SHROOM4: variants seen among roughly 807,000 people sequenced by gnomAD.
SHROOM4 encodes the protein protein Shroom4.
Under a neutral mutation model 80.3 loss-of-function variants are expected in SHROOM4, and 17 were observed. The observed-to-expected ratio is 0.21, with a 90% confidence interval of 0.14 to 0.32. The LOEUF (loss-of-function observed/expected upper bound fraction) is 0.32, where lower values mean the gene tolerates loss of function less well. Ranked by LOEUF, SHROOM4 falls within the 10% of genes least tolerant of loss-of-function variation. The probability of loss-of-function intolerance (pLI) is 1.00; values close to 1 mark genes in which losing one functional copy is unlikely to be tolerated. For missense variants in SHROOM4, 993 were observed against 1,140.3 expected, an observed-to-expected ratio of 0.87 and a Z score of 1.86; for synonymous variants, 400 against 437.5, an observed-to-expected ratio of 0.91 and a Z score of 1.07.
intron 1 of SHROOM4, among the ~76,000 whole-genome samples, chrX:50,809,553 CA>C (rs1223676346): frequency 1.8e-5 from 2 of 112,421 alleles, no homozygotes; most frequent in East Asian, 5.6e-4. Flanking sequence ...CCCCACTCTG[CA>C]AATAGAGACT....
rs1929784555 is a variant in SHROOM4, at chrX:50,608,188, C to T, written c.2958-4G>A. ...AGTCTTGGAATGAGCCATTTCCCTGCAAAACATCAGATGAGTACTGAGAAA... is the reference window on the plus strand; with the variant it reads ...AGTCTTGGAATGAGCCATTTCCCTGTAAAACATCAGATGAGTACTGAGAAA... On this transcript the variant is annotated splice_polypyrimidine_tract_variant and splice_region_variant and intron_variant, in intron 5 of 8. Coordinates refer to ENST00000376020, the MANE Select transcript of SHROOM4 (RefSeq NM_020717.5). 1 of 1,210,763 alleles carries T rather than the reference C, an allele frequency of 8.3e-7. No individual in the cohort carries two copies. Among genetic ancestry groups the T allele is most frequent in the Non-Finnish European group, 1.1e-6 (1 of 894,952 alleles).
At chrX:50,635,760 C>G in intron 3 of SHROOM4, 92 bp from the exon 4 acceptor site, 1 of 665,687 alleles carries the variant, frequency 1.5e-6, no homozygotes, top group Middle Eastern at 5.1e-4. Flanking sequence ...ACCCATGCCA[C>G]AAAAGAGAGG....
chrX:50,744,994 T>C (rs1371204694), intron 1 of SHROOM4, among the ~76,000 whole-genome samples: 1 of 111,963 alleles, frequency 8.9e-6, no homozygotes, highest in Non-Finnish European at 1.9e-5. Flanking sequence ...TTGTATGGAT[T>C]GGGGAATGCT....
At chrX:50,655,029 A>C (rs1932250152) in intron 2 of SHROOM4, among the ~76,000 whole-genome samples, 1 of 106,746 alleles carries the variant, frequency 9.4e-6, no homozygotes, top group Non-Finnish European at 1.9e-5. Context: ...AGTGGGAGCT[A>C]AACATGTGGT....
chrX:50,762,981 T>C (rs1935193445), intron 1 of SHROOM4, among the ~76,000 whole-genome samples: 2 of 111,726 alleles, frequency 1.8e-5, no homozygotes, highest in African/African-American at 6.5e-5. Flanking sequence ...GCATTCATTT[T>C]TTTCCTGCCC....
In SHROOM4 at chrX:50,633,772, G is replaced by C. The variant is rs782448673; in HGVS notation, c.2301C>G (p.Leu767=). The part of the protein sequence containing the change: ...STAQAGEDAI[L]LPFADRRKFF... ...ACTTTCTTCTGTCTGCAAAAGGCAA[G>C]AGGATGGCATCCTCCCCAGCTTGAG... The change falls in exon 4 of 9, where the codon CTC becomes CTG. Residue 767 remains leucine, a synonymous_variant. Transcript: ENST00000376020. 5.8e-6 allele frequency: 7 copies of C among 1,212,387 alleles called. No individual in the cohort carries two copies. The highest frequency in any genetic ancestry group is 5.3e-5 in the South Asian group (3 of 57,049).
At chrX:50,745,983 C>T (rs1170702649) in intron 1 of SHROOM4, among the ~76,000 whole-genome samples, 1 of 111,729 alleles carries the variant, frequency 9.0e-6, no homozygotes, top group African/African-American at 3.3e-5. Context: ...GAGCTCTTCA[C>T]ACTAGAAGTT....
chrX:50,758,511 C>T (rs1399965479), intron 1 of SHROOM4, among the ~76,000 whole-genome samples: 3 of 112,237 alleles, frequency 2.7e-5, no homozygotes, highest in Non-Finnish European at 5.6e-5. Flanking sequence ...GCAATGTTTA[C>T]ATTCATTGAT....
chrX:50,659,599 T>A (rs1344658568), intron 2 of SHROOM4, among the ~76,000 whole-genome samples: 1 of 112,114 alleles, frequency 8.9e-6, no homozygotes, highest in African/African-American at 3.2e-5. Flanking sequence ...ATTCACATAG[T>A]ACAAAGGCAT....
In SHROOM4 at chrX:50,607,402, T is replaced by C. The variant is rs1929713003; in HGVS notation, c.3740A>G (p.Gln1247Arg). The change falls in exon 6 of 9, where the codon CAG (glutamine) becomes CGG (arginine). Residue 1247 changes from glutamine (Q) to arginine (R), a missense_variant. Transcript: ENST00000376020. The stretch of plus-strand genomic sequence containing the variant: ...TTACTTGGCGGATTCAGTGGCTTCC[T>C]GTCCCGATGTCCTCCAAAGCCCACC... ...GIGGLWRTSG[Q>R]EATESAKQEF... The C allele has an allele frequency of 3.3e-6, 4 of 1,211,437 alleles. No individual in the cohort carries two copies. Among genetic ancestry groups the C allele is most frequent in the Non-Finnish European group, 4.5e-6 (4 of 895,441 alleles).
chrX:50,748,559 T>C (rs1281024910), intron 1 of SHROOM4, among the ~76,000 whole-genome samples: 1 of 111,445 alleles, frequency 9.0e-6, no homozygotes, highest in African/African-American at 3.3e-5. Flanking sequence ...TGTGTGAGAT[T>C]CAGTTGTAAA....
chrX:50,768,086 A>G (rs918940830), intron 1 of SHROOM4, among the ~76,000 whole-genome samples: 2 of 112,297 alleles, frequency 1.8e-5, no homozygotes, highest in Non-Finnish European at 3.8e-5. Context: ...CAAGGACTCA[A>G]TCTCAAACTT....
At chrX:50,681,712 G>A (rs967760218) in intron 2 of SHROOM4, among the ~76,000 whole-genome samples, 2 of 112,073 alleles carry the variant, frequency 1.8e-5, no homozygotes, top group African/African-American at 3.2e-5. Context: ...TGTGATTATT[G>A]TCTACTTCTC....
chrX:50,764,095 A>G (rs1168555929), intron 1 of SHROOM4, among the ~76,000 whole-genome samples: 1 of 112,016 alleles, frequency 8.9e-6, no homozygotes, highest in East Asian at 2.8e-4. Flanking sequence ...AGCCCTCAAC[A>G]GCGCTGCTGA....
At position 50,813,989 on chromosome X, in the gene SHROOM4, G is replaced by C. The variant is rs1428157543; in HGVS notation, c.30C>G (p.Tyr10Ter). ...CCCCCCCTTGCAGCTGCACAGGGAC[G>C]TACTGGAAGGACCCAGGCCGGTTCT... Reference protein sequence around the residue: MENRPGSFQYVPVQLQGGAP... With the variant: MENRPGSFQ The change falls in exon 1 of 9, where the codon TAC (tyrosine) becomes TAG (stop). Residue 10 changes from tyrosine (Y) to a stop codon, truncating the protein, a stop_gained. Coordinates refer to ENST00000376020, the MANE Select transcript of SHROOM4 (RefSeq NM_020717.5). LOFTEE classifies it high-confidence loss of function. 1.2e-5 allele frequency: 14 copies of C among 1,206,179 alleles called. No individual in the cohort carries two copies. The highest frequency in any genetic ancestry group is 1.6e-5 in the Non-Finnish European group (14 of 893,141).
intron 1 of SHROOM4, among the ~76,000 whole-genome samples, chrX:50,747,592 C>T (rs970667571): frequency 1.8e-5 from 2 of 112,280 alleles, no homozygotes; most frequent in African/African-American, 3.2e-5. Flanking sequence ...GGCGAAGATG[C>T]TTACTGCAAT....
chrX:50,647,856 G>T (rs782806112), intron 2 of SHROOM4, among the ~76,000 whole-genome samples: 1 of 111,797 alleles, frequency 8.9e-6, no homozygotes, highest in African/African-American at 3.3e-5. Context: ...ACTCTGCTTT[G>T]ATACAACTTG....
At chrX:50,768,775 T>A (rs1043312521) in intron 1 of SHROOM4, among the ~76,000 whole-genome samples, 1 of 111,899 alleles carries the variant, frequency 8.9e-6, no homozygotes, top group Non-Finnish European at 1.9e-5. Flanking sequence ...TAATGCAGGT[T>A]GATAGGCAGG....
chrX:50,676,442 T>C (rs782347471), intron 2 of SHROOM4, among the ~76,000 whole-genome samples: 1 of 111,475 alleles, frequency 9.0e-6, no homozygotes, highest in Non-Finnish European at 1.9e-5. Context: ...GTGAAATGAG[T>C]TAAGTCGGCA....
Sources: gnomAD v4.1 joint callset for allele counts (sites outside exome capture counted in the v4.1 genomes callset) on GRCh38, gnomAD v4.1.1 for gene constraint, MANE v1.5 for transcripts, NCBI Gene and HGNC (gene_info 2026-07-23, HGNC 2026-07-21) for gene names.